The following PRKCH variants were observed in gnomAD, a reference collection of about 807,000 sequenced individuals.
PRKCH encodes the protein protein kinase C eta, also known as protein kinase C eta type.
In PRKCH, 28 loss-of-function variants were observed where a neutral mutation model predicts 82.5. The observed-to-expected ratio is 0.34, with a 90% confidence interval of 0.25 to 0.47. PRKCH has a LOEUF of 0.47. Ranked by LOEUF, PRKCH falls within the 20% of genes least tolerant of loss-of-function variation. PRKCH has a pLI of 1.00. For missense variants in PRKCH, 705 were observed against 881.8 expected (o/e 0.80, Z 2.54); for synonymous variants, 322 against 327.4 (o/e 0.98, Z 0.18).
intron 2 of PRKCH, among the ~76,000 whole-genome samples, chr14:61,405,558 A>G (rs781781485): frequency 6.6e-6 from 1 of 152,118 alleles, no homozygotes; most frequent in Non-Finnish European, 1.5e-5. Context: ...TTGTATTTTT[A>G]GTAGAGATGG....
intron 1 of PRKCH, among the ~76,000 whole-genome samples, chr14:61,243,590 T>C (rs2044858667): frequency 6.6e-6 from 1 of 152,026 alleles, no homozygotes; most frequent in Non-Finnish European, 1.5e-5. Context: ...CATGGCCTTA[T>C]AGATCTTATT....
At chr14:61,382,818 C>T (rs2046531963) in intron 1 of PRKCH, among the ~76,000 whole-genome samples, 1 of 152,152 alleles carries the variant, frequency 6.6e-6, no homozygotes, top group African/African-American at 2.4e-5. Flanking sequence ...TGTTATGTAG[C>T]TAGAAGTTTC....
upstream of PRKCH, among the ~76,000 whole-genome samples, chr14:61,321,238 A>G (rs1241590777): frequency 1.3e-5 from 2 of 152,140 alleles, no homozygotes; most frequent in African/African-American, 4.8e-5. This position sits in a 1 kb window ranked among gnomAD's most constrained non-coding sequence, Gnocchi z 4.1. Flanking sequence ...GGAGGTTGGG[A>G]GAGAGGGGGC....
chr14:61,469,327 A>G (rs1885396951), intron 9 of PRKCH, among the ~76,000 whole-genome samples: 1 of 152,256 alleles, frequency 6.6e-6, no homozygotes, highest in Non-Finnish European at 1.5e-5. Context: ...TGTAGTAAAT[A>G]TAGTCCTTAT....
intron 9 of PRKCH, among the ~76,000 whole-genome samples, chr14:61,483,508 T>A (rs1886073952): frequency 6.6e-6 from 1 of 152,274 alleles, no homozygotes; most frequent in Non-Finnish European, 1.5e-5. Context: ...AAATTCTTGC[T>A]TCGCTTTTAG....
intron 6 of PRKCH, chr14:61,452,999 A>G: frequency 1.8e-6 from 1 of 544,782 alleles, no homozygotes. Flanking sequence ...ATGTATTTGA[A>G]ATATATTATT....
chr14:61,314,403 C>T (rs1001977997), intron 1 of PRKCH, among the ~76,000 whole-genome samples: 3 of 152,070 alleles, frequency 2.0e-5, no homozygotes, highest in Non-Finnish European at 4.4e-5. Context: ...ATAAATTAGC[C>T]ATAGAAGAGA....
chr14:61,512,657 A>G (rs1887429063), intron 10 of PRKCH, among the ~76,000 whole-genome samples: 2 of 152,158 alleles, frequency 1.3e-5, no homozygotes, highest in African/African-American at 4.8e-5. Context: ...AAGAAATTTC[A>G]TCATTCCTTT....
intron 4 of PRKCH, among the ~76,000 whole-genome samples, chr14:61,446,233 T>C (rs1356063591): frequency 6.6e-6 from 1 of 152,066 alleles, no homozygotes; most frequent in African/African-American, 2.4e-5. Context: ...TCTTGTAAGT[T>C]ACTACATGTT....
chr14:61,187,498 G>T (rs74054758), upstream of PRKCH: 3 of 152,290 alleles, frequency 2.0e-5, no homozygotes, highest in Non-Finnish European at 2.9e-5. Context: ...AATGCAGTGG[G>T]TATCAGAGCT....
In PRKCH at chr14:61,321,887, G is replaced by A; in HGVS notation, c.-215G>A. The A allele has an allele frequency of 2.0e-6, 1 of 492,942 alleles. No homozygotes were observed. Among genetic ancestry groups the A allele is most frequent in the South Asian group, 2.8e-5 (1 of 36,220 alleles). 30.5% of individuals were successfully genotyped at this position (492,942 alleles called of 1,614,324 possible). A position where few individuals can be genotyped will look rare whatever the true frequency, so the allele number is the denominator to read the frequency against. Reference sequence around the variant, plus strand: ...CGGCCCGCTGAGGGCTCGGCGGCGGGCTCCCCTCCTTTCCACCTCGGGAGG... The same window carrying A: ...CGGCCCGCTGAGGGCTCGGCGGCGGACTCCCCTCCTTTCCACCTCGGGAGG... On this transcript the variant is annotated 5_prime_UTR_variant, in exon 1 of 14. Coordinates refer to ENST00000332981, the MANE Select transcript of PRKCH (RefSeq NM_006255.5). This position sits in a 1 kb window ranked among gnomAD's most constrained non-coding sequence, Gnocchi z 4.1.
chr14:61,219,776 G>A (rs182199945), intron 1 of PRKCH, among the ~76,000 whole-genome samples: 70 of 152,200 alleles, frequency 4.6e-4, no homozygotes, highest in African/African-American at 1.6e-3. Flanking sequence ...GCTTTATAAC[G>A]AAGCTTCTTT....
chr14:61,249,877 C>T (rs2044926534), intron 1 of PRKCH, among the ~76,000 whole-genome samples: 1 of 151,684 alleles, frequency 6.6e-6, no homozygotes. Context: ...CCTCGGCTTC[C>T]CAAAGTGCTG....
At chr14:61,322,627 G>T (rs1277900637) in intron 1 of PRKCH, 163 bp downstream of exon 1, 8 of 977,092 alleles carry the variant, frequency 8.2e-6, no homozygotes, top group Non-Finnish European at 1.2e-5. Context: ...TGACGCGACC[G>T]CGGTGGGTGT....
At chr14:61,371,213 G>A (rs1057042295) in intron 1 of PRKCH, among the ~76,000 whole-genome samples, 6 of 152,030 alleles carry the variant, frequency 3.9e-5, no homozygotes, top group Admixed American at 2.0e-4. Context: ...TGAAGATAGT[G>A]CAGAGAATTC....
chr14:61,282,597 G>A (rs1455721578), intron 1 of PRKCH, among the ~76,000 whole-genome samples: 8 of 152,134 alleles, frequency 5.3e-5, no homozygotes, highest in Non-Finnish European at 8.8e-5. Context: ...GGCATTTGCA[G>A]TTTGATAGGG....
At chr14:61,239,354 G>A (rs1406867949) in intron 1 of PRKCH, among the ~76,000 whole-genome samples, 2 of 152,170 alleles carry the variant, frequency 1.3e-5, no homozygotes, top group East Asian at 3.9e-4. Context: ...GGAGCAACAC[G>A]CTGATTTAAT....
intron 9 of PRKCH, among the ~76,000 whole-genome samples, chr14:61,478,037 C>A (rs539843189): frequency 6.6e-6 from 1 of 152,336 alleles, no homozygotes; most frequent in African/African-American, 2.4e-5. Flanking sequence ...AGGGGCCTTC[C>A]TATGCCTCAT....
chr14:61,467,321 G>A (rs1264807995), intron 9 of PRKCH, among the ~76,000 whole-genome samples: 1 of 152,202 alleles, frequency 6.6e-6, no homozygotes, highest in Non-Finnish European at 1.5e-5. Context: ...GTTGGCCAAC[G>A]TACCTTTAGG....
Sources: allele counts gnomAD v4.1 joint callset (sites outside exome capture counted in the v4.1 genomes callset), GRCh38; gene constraint gnomAD v4.1.1; non-coding constraint Gnocchi (gnomAD v3.1); transcripts MANE v1.5; gene names NCBI Gene and HGNC (gene_info 2026-07-23, HGNC 2026-07-21).